The following CBR4 variants were observed in gnomAD, a reference collection of about 807,000 sequenced individuals.
CBR4 encodes the protein 3-oxoacyl-[acyl-carrier-protein] reductase.
CBR4 carries 22 observed loss-of-function variants against 21.0 expected under a neutral mutation model. The observed-to-expected ratio is 1.05, with a 90% confidence interval of 0.75 to 1.50. The LOEUF (loss-of-function observed/expected upper bound fraction) is 1.50. CBR4 is among the 40% of genes most tolerant of loss of function. The pLI is 0.00. For missense variants in CBR4, 302 were observed against 286.3 expected (o/e 1.05, Z -0.40); for synonymous variants, 100 against 104.4 (o/e 0.96, Z 0.26).
Position 168,988,299 on chromosome 4 carries a change from T to C in CBR4, c.*1851A>G. On this transcript the variant is annotated 3_prime_UTR_variant, in exon 5 of 5. Transcript: ENST00000306193. ...GGAGGAGGTGGAATAGCTTAAAAGG[T>C]TATATTTCTTATTTTAAAGTATAAA... The C allele has an allele frequency of 4.1e-6, 4 of 984,834 alleles. No individual in the cohort carries two copies. The highest frequency in any genetic ancestry group is 4.8e-6 in the Non-Finnish European group (4 of 829,414). The allele number at this position is 984,834 out of a possible 1,614,324, so 61.0% of individuals were successfully genotyped here.
At chr4:168,974,613 T>C (rs1161155844) in intron 2 of CBR4, among the ~76,000 whole-genome samples, 3 of 152,136 alleles carry the variant, frequency 2.0e-5, no homozygotes, top group Admixed American at 1.3e-4. Flanking sequence ...TTTTTTATTC[T>C]CTTTTGTCTT....
chr4:168,982,147 C>T (rs1714562056), intron 2 of CBR4, among the ~76,000 whole-genome samples: 1 of 152,104 alleles, frequency 6.6e-6, no homozygotes, highest in Non-Finnish European at 1.5e-5. Context: ...GAAGCAAGAC[C>T]CAACTGTATG....
intron 2 of CBR4, among the ~76,000 whole-genome samples, chr4:168,905,331 G>A (rs1308435433): frequency 1.3e-5 from 2 of 150,788 alleles, no homozygotes; most frequent in African/African-American, 4.9e-5. Context: ...TTTATTTTTA[G>A]TAGAGATGGG....
intron 2 of CBR4, among the ~76,000 whole-genome samples, chr4:168,935,156 C>T (rs1198032603): frequency 1.3e-5 from 2 of 152,132 alleles, no homozygotes; most frequent in African/African-American, 4.8e-5. Flanking sequence ...TGTCACCTCA[C>T]ATGGGAAGTG....
At position 168,915,827 on chromosome 4, in the gene CBR4, G is replaced by A. The variant is rs888965486; in HGVS notation, n.170-21062C>T. 11 of 1,232,402 alleles carry A rather than the reference G, an allele frequency of 8.9e-6. No homozygotes were observed. In the South Asian group the frequency reaches 1.3e-4, roughly 15 times the overall value. 76.3% of individuals were successfully genotyped at this position (1,232,402 alleles called of 1,614,324 possible). ...TTACCCCATGTATTTTAAGAAAACA[G>A]ATGACTAAAAGTCTGGAAGTAACTA... is the stretch of plus-strand genomic sequence containing the variant. On this transcript the variant is annotated intron_variant and non_coding_transcript_variant, in intron 2 of 3. Transcript: ENST00000509108.
intron 2 of CBR4, among the ~76,000 whole-genome samples, chr4:168,906,090 G>T (rs1016255424): frequency 1.3e-5 from 2 of 152,126 alleles, no homozygotes; most frequent in African/African-American, 4.8e-5. Flanking sequence ...AAATGGTGGA[G>T]AACTGACAAA....
At chr4:168,949,829 T>C (rs986982248) in intron 2 of CBR4, among the ~76,000 whole-genome samples, 1 of 152,204 alleles carries the variant, frequency 6.6e-6, no homozygotes, top group Admixed American at 6.5e-5. Context: ...TAATTCTTCC[T>C]GATTTAAGCT....
chr4:168,917,783 TTCAG>T (rs1356926739), intron 2 of CBR4, among the ~76,000 whole-genome samples: 10 of 152,192 alleles, frequency 6.6e-5, no homozygotes, highest in Non-Finnish European at 1.5e-4. Context: ...CAAATTGTGT[TTCAG>T]TCTGTATATA....
chr4:168,960,430 A>G (rs1763815028), intron 2 of CBR4, among the ~76,000 whole-genome samples: 1 of 152,238 alleles, frequency 6.6e-6, no homozygotes, highest in Admixed American at 6.5e-5. Flanking sequence ...AGTATATGCT[A>G]TAACTAGAGA....
chr4:168,970,387 A>G (rs1764168914), intron 2 of CBR4, among the ~76,000 whole-genome samples: 1 of 152,182 alleles, frequency 6.6e-6, no homozygotes, highest in Non-Finnish European at 1.5e-5. Flanking sequence ...ACCTTTGTGT[A>G]TCATGTGAAG....
chr4:168,924,839 C>A, intron 2 of CBR4: 2 of 1,110,634 alleles, frequency 1.8e-6, no homozygotes, highest in Admixed American at 1.8e-5. Flanking sequence ...CTATTATCAG[C>A]TACTTGCACA....
chr4:168,961,019 C>A (rs1219592063), intron 2 of CBR4, among the ~76,000 whole-genome samples: 1 of 152,164 alleles, frequency 6.6e-6, no homozygotes, highest in Admixed American at 6.5e-5. Flanking sequence ...ATGGGGACAG[C>A]CAACTTTAGA....
At chr4:168,933,520 A>G (rs1715789606) in intron 2 of CBR4, among the ~76,000 whole-genome samples, 1 of 152,206 alleles carries the variant, frequency 6.6e-6, no homozygotes, top group Non-Finnish European at 1.5e-5. Context: ...TAAAGCAAAT[A>G]TTATTAGATC....
chr4:168,902,047 G>C (rs1050792729), intron 2 of CBR4, among the ~76,000 whole-genome samples: 5 of 152,168 alleles, frequency 3.3e-5, no homozygotes, highest in African/African-American at 1.2e-4. Context: ...AGTTAGAGCA[G>C]TCATATCCTG....
At chr4:168,924,640 G>C (rs1560936541) in intron 2 of CBR4, among the ~76,000 whole-genome samples, 1 of 152,142 alleles carries the variant, frequency 6.6e-6, no homozygotes, top group Non-Finnish European at 1.5e-5. Context: ...TTTCTTAAAA[G>C]TGTTTATCAT....
intron 4 of CBR4, among the ~76,000 whole-genome samples, chr4:169,000,170 T>C (rs1251291255): frequency 1.3e-5 from 2 of 152,130 alleles, no homozygotes; most frequent in Non-Finnish European, 2.9e-5. Flanking sequence ...ATTCCACAGA[T>C]AGTTCATCTA....
intron 2 of CBR4, among the ~76,000 whole-genome samples, chr4:168,976,331 T>C (rs1764370926): frequency 6.6e-6 from 1 of 152,112 alleles, no homozygotes; most frequent in Non-Finnish European, 1.5e-5. Flanking sequence ...TCTTCTACTT[T>C]TATATTTCAC....
At chr4:168,938,484 A>G (rs985487412) in intron 2 of CBR4, among the ~76,000 whole-genome samples, 2 of 152,200 alleles carry the variant, frequency 1.3e-5, no homozygotes, top group African/African-American at 4.8e-5. Context: ...TGAAGGAGAT[A>G]GAGACACGAA....
intron 2 of CBR4, among the ~76,000 whole-genome samples, chr4:168,953,701 G>A (rs1479959885): frequency 6.6e-6 from 1 of 151,962 alleles, no homozygotes; most frequent in Admixed American, 6.6e-5. Context: ...TTGGATTATA[G>A]GAGTGAGCCA....
Sources: gnomAD v4.1 joint callset for allele counts (sites outside exome capture counted in the v4.1 genomes callset) on GRCh38, gnomAD v4.1.1 for gene constraint, MANE v1.5 for transcripts, NCBI Gene and HGNC (gene_info 2026-07-23, HGNC 2026-07-21) for gene names.